Variants in TMEM87A observed in about 807,000 individuals in gnomAD.
TMEM87A encodes transmembrane protein 87A.
In TMEM87A, 50 loss-of-function variants were observed where a neutral mutation model predicts 90.0. The observed-to-expected ratio is 0.56, with a 90% CI of 0.44 to 0.70. The LOEUF is 0.70. Among genes scored for constraint, TMEM87A ranks in the 30% least tolerant of loss-of-function variants. The pLI is 0.00. For missense variants in TMEM87A, 577 were observed against 660.5 expected (o/e 0.87, Z 1.39); for synonymous variants, 226 against 226.7 (o/e 1.00, Z 0.03).
intron 15 of TMEM87A, among the ~76,000 whole-genome samples, chr15:42,222,511 T>G (rs937328321): frequency 6.6e-6 from 1 of 151,626 alleles, no homozygotes; most frequent in South Asian, 2.1e-4. Context: ...CAGAAGAGAG[T>G]AGAGAGCCTA....
intron 6 of TMEM87A, among the ~76,000 whole-genome samples, chr15:42,254,964 C>CT (rs60449122): frequency 0.025 from 3,163 of 125,386 alleles, 36 homozygotes; most frequent in Non-Finnish European, 0.036. Context: ...GGGAGGTCTC[C>CT]TTTTTTTTTT....
At chr15:42,218,015 GA>G (rs72216306) in intron 18 of TMEM87A, 182 bp from the exon 19 acceptor site, 33 of 652,382 alleles carry the variant, frequency 5.1e-5, no homozygotes, top group African/African-American at 1.1e-4. Flanking sequence ...AAATTGTATA[GA>G]AAAAAAACGT....
intron 6 of TMEM87A, chr15:42,258,175 T>C (rs1211369134): frequency 1.0e-6 from 1 of 975,896 alleles, no homozygotes; most frequent in East Asian, 1.1e-4. Flanking sequence ...TAAGTAACGA[T>C]GCAATACAAT....
intron 15 of TMEM87A, among the ~76,000 whole-genome samples, chr15:42,223,663 T>A (rs2050537722): frequency 6.6e-6 from 1 of 152,226 alleles, no homozygotes; most frequent in African/African-American, 2.4e-5. Context: ...ATGCTGACAC[T>A]GCGAGCCAAC....
At chr15:42,241,333 C>G (rs1050871927) in intron 7 of TMEM87A, among the ~76,000 whole-genome samples, 1 of 152,108 alleles carries the variant, frequency 6.6e-6, no homozygotes, top group African/African-American at 2.4e-5. Flanking sequence ...AAGTAGAGAA[C>G]TATCCCTCTC....
In TMEM87A at chr15:42,268,049, C is replaced by A; in HGVS notation, c.206-17G>T. On this transcript the variant is annotated splice_polypyrimidine_tract_variant and intron_variant, in intron 2 of 19. Coordinates refer to ENST00000389834, the MANE Select transcript of TMEM87A (RefSeq NM_015497.5). ...CTCCATCAACTACAAAAGAAGAAAT[C>A]TTTGTTAACAAAAGATAATTCCCCA... 1 of 1,600,900 alleles carries A rather than the reference C, an allele frequency of 6.2e-7. No individual in the cohort carries two copies. Among genetic ancestry groups the A allele is most frequent in the South Asian group, 1.1e-5 (1 of 90,184 alleles).
intron 10 of TMEM87A, among the ~76,000 whole-genome samples, chr15:42,234,123 T>C (rs906694095): frequency 2.0e-5 from 3 of 152,230 alleles, no homozygotes; most frequent in African/African-American, 7.2e-5. Flanking sequence ...GATACCACCA[T>C]CAAATCTAAA....
rs1445634342 is a variant in TMEM87A, at chr15:42,233,081, T to C, written c.1062+132A>G. On this transcript the variant is annotated intron_variant, in intron 11 of 19. Transcript: ENST00000389834. ...AAAGAGAACATGAACTATACATATATTTTGAAAATCAGAGCCCAAAAGTGA... is the reference window on the plus strand; with the variant it reads ...AAAGAGAACATGAACTATACATATACTTTGAAAATCAGAGCCCAAAAGTGA... The C allele has an allele frequency of 3.8e-5, 25 of 651,922 alleles. No individual in the cohort carries two copies. In the East Asian group the frequency reaches 6.2e-4, roughly 16 times the overall value. 40.4% of individuals were successfully genotyped at this position (651,922 alleles called of 1,614,324 possible).
chr15:42,234,099 A>T (rs1344675160), intron 10 of TMEM87A, among the ~76,000 whole-genome samples: 2 of 152,198 alleles, frequency 1.3e-5, no homozygotes, highest in African/African-American at 2.4e-5. Context: ...GAAACTTTTA[A>T]AAAACATCAC....
chr15:42,261,315 A>G, intron 4 of TMEM87A, 66 bp from the exon 5 acceptor site: 3 of 1,379,564 alleles, frequency 2.2e-6, no homozygotes, highest in Non-Finnish European at 3.0e-6. Context: ...TGTAGCTCAA[A>G]ATACAAAGAA....
intron 15 of TMEM87A, among the ~76,000 whole-genome samples, chr15:42,222,087 A>C (rs60443443): frequency 0.031 from 4,741 of 151,984 alleles, 316 homozygotes; most frequent in Admixed American, 0.16. Context: ...TTTGAGAAAG[A>C]GTTTCACTCG....
rs10681614 is a variant in TMEM87A at position 42,264,699 on chromosome 15, A to ATATATATTT, written c.292-497_292-496insAAATATATA. On this transcript the variant is annotated intron_variant, in intron 3 of 19. Coordinates refer to ENST00000389834, the MANE Select transcript of TMEM87A (RefSeq NM_015497.5). ...TATGTGTGTGTATATATATATATAT[A>ATATATATTT]TTTTTTTTTTAACTTTTATTTTAGG... Among the ~76,000 whole-genome samples, 558 of 109,410 alleles carry ATATATATTT rather than the reference A, an allele frequency of 5.1e-3. 4 individuals are homozygous for ATATATATTT. The highest frequency in any genetic ancestry group is 0.016 in the African/African-American group (519 of 32,512). The allele number at this position is 109,410 out of a possible 152,430, so 71.8% of individuals were successfully genotyped here.
intron 12 of TMEM87A, among the ~76,000 whole-genome samples, chr15:42,230,515 G>A (rs544336525): frequency 1.3e-5 from 2 of 152,232 alleles, no homozygotes; most frequent in Non-Finnish European, 2.9e-5. Flanking sequence ...GAATCCTTTA[G>A]CCATCAGGCC....
At chr15:42,265,670 T>C (rs1256189459) in intron 3 of TMEM87A, among the ~76,000 whole-genome samples, 1 of 152,228 alleles carries the variant, frequency 6.6e-6, no homozygotes, top group East Asian at 1.9e-4. Flanking sequence ...CTATTGATAG[T>C]TTCTTTTGCT....
chr15:42,268,673 C>CATAAATAAATAAATAAATAA (rs145708642), intron 2 of TMEM87A, among the ~76,000 whole-genome samples: 8 of 151,162 alleles, frequency 5.3e-5, no homozygotes, highest in African/African-American at 2.0e-4. Flanking sequence ...TCTCAAAAAA[C>CATAAATAAATAAATAAATAA]ATAAATAAAT....
intron 19 of TMEM87A, among the ~76,000 whole-genome samples, chr15:42,216,261 T>A (rs1019916231): frequency 1.3e-5 from 2 of 152,200 alleles, no homozygotes; most frequent in Admixed American, 6.5e-5. Flanking sequence ...TCAACAGGTA[T>A]AAAATTTCAT....
chr15:42,271,957 T>C (rs996157112), intron 2 of TMEM87A, 106 bp downstream of exon 2: 5 of 906,700 alleles, frequency 5.5e-6, no homozygotes, highest in Non-Finnish European at 8.3e-6. Context: ...TATACCTAGA[T>C]AATGCCAGAC....
At position 42,232,510 on chromosome 15, in the gene TMEM87A, G is replaced by C. The variant is rs2050701963; in HGVS notation, c.1062+703C>G. On this transcript the variant is annotated intron_variant, in intron 11 of 19. Transcript: ENST00000389834. The stretch of plus-strand genomic sequence containing the variant: ...TTTTTTTGAGACGGAGTCTTGCTCT[G>C]TCGCCCAGGCTGGAGTGCAGTGGCA... Among the ~76,000 whole-genome samples the C allele has an allele frequency of 2.6e-5, 4 of 151,922 alleles. No homozygotes were observed. In the South Asian group the frequency reaches 8.3e-4, roughly 32 times the overall value.
At chr15:42,236,045 C>T (rs964233039) in intron 10 of TMEM87A, among the ~76,000 whole-genome samples, 8 of 152,030 alleles carry the variant, frequency 5.3e-5, no homozygotes, top group African/African-American at 1.4e-4. Context: ...GAAATATATT[C>T]GGAAGTATGG....
Sources: allele counts gnomAD v4.1 joint callset (sites outside exome capture counted in the v4.1 genomes callset), GRCh38; gene constraint gnomAD v4.1.1; transcripts MANE v1.5; gene names NCBI Gene and HGNC (gene_info 2026-07-23, HGNC 2026-07-21).